The following TNS1 variants were observed in gnomAD, a reference collection of about 807,000 sequenced individuals.
TNS1 encodes the protein tensin-1.
In TNS1, 62 loss-of-function variants were observed where a neutral mutation model predicts 168.6. The observed-to-expected ratio is 0.37, with a 90% confidence interval of 0.30 to 0.45. TNS1 has a LOEUF of 0.45. Among genes scored for constraint, TNS1 ranks in the 20% least tolerant of loss-of-function variants. TNS1 has a pLI of 1.00. For synonymous variants in TNS1, 934 were observed against 933.2 expected (o/e 1.00, Z -0.02); for missense variants, 2,240 against 2,339.4 (o/e 0.96, Z 0.88).
In TNS1 at chr2:217,831,612, G is replaced by A. The variant is rs537834687; in HGVS notation, c.3281-65C>T. ...GTGGGCAGGAGGGCAGACACGCCAGGCACGTGAGGGCACGCTTAGTGAGGG... is the reference window on the plus strand; with the variant it reads ...GTGGGCAGGAGGGCAGACACGCCAGACACGTGAGGGCACGCTTAGTGAGGG... On this transcript the variant is annotated intron_variant, in intron 21 of 32. Coordinates refer to ENST00000682258, the MANE Select transcript of TNS1 (RefSeq NM_001387777.1). 6.7e-5 allele frequency: 85 copies of A among 1,265,668 alleles called. No homozygotes were observed. The East Asian group carries it at 2.5e-3, about 37-fold the overall frequency. The allele number at this position is 1,265,668 out of a possible 1,614,324, so 78.4% of individuals were successfully genotyped here.
At chr2:217,887,344 T>C (rs189441550) in intron 12 of TNS1, among the ~76,000 whole-genome samples, 28 of 152,340 alleles carry the variant, frequency 1.8e-4, no homozygotes, top group Non-Finnish European at 3.8e-4. Flanking sequence ...GTTTCACTCT[T>C]GTTGCCCAGG....
chr2:217,861,554 T>A (rs1281285666), intron 18 of TNS1, among the ~76,000 whole-genome samples: 1 of 152,230 alleles, frequency 6.6e-6, no homozygotes, highest in African/African-American at 2.4e-5. Context: ...CTTCTCATTC[T>A]CATCACTTCA....
At chr2:218,019,960 A>G (rs1365941569) in intron 1 of TNS1, among the ~76,000 whole-genome samples, 1 of 151,596 alleles carries the variant, frequency 6.6e-6, no homozygotes, top group East Asian at 1.9e-4. Context: ...CAGCCTCCCC[A>G]CTGCCCTACT....
intron 19 of TNS1, among the ~76,000 whole-genome samples, chr2:217,840,117 G>A (rs189503649): frequency 1.3e-5 from 2 of 152,350 alleles, no homozygotes; most frequent in South Asian, 2.1e-4. Flanking sequence ...ACTGGGAGAA[G>A]AAGGGACCAT....
Position 217,855,843 on chromosome 2 carries a change from G to A in TNS1, c.1430-6756C>T, listed in dbSNP as rs1169792117. ...GTGGACCCCGAGTTTCTCCCCAAAG[G>A]TGAGGGAAGAGAGTCAGTGCAGCCG... On this transcript the variant is annotated intron_variant, in intron 18 of 32. Coordinates refer to ENST00000682258, the MANE Select transcript of TNS1 (RefSeq NM_001387777.1). 5.3e-5 allele frequency among the ~76,000 whole-genome samples: 8 copies of A among 152,168 alleles called. No individual in the cohort carries two copies. In the East Asian group the frequency reaches 1.3e-3, roughly 26 times the overall value.
intron 22 of TNS1, among the ~76,000 whole-genome samples, chr2:217,826,934 A>G (rs571660725): frequency 6.6e-6 from 1 of 152,276 alleles, no homozygotes; most frequent in South Asian, 2.1e-4. Flanking sequence ...GAAGGGGCAC[A>G]CCCACCCTAA....
In TNS1 at chr2:217,961,344, T is replaced by C. The variant is rs372203939; in HGVS notation, c.186+17421A>G. 2.0e-4 allele frequency among the ~76,000 whole-genome samples: 31 copies of C among 152,104 alleles called. No individual in the cohort carries two copies. The East Asian group carries it at 3.3e-3, about 16-fold the overall frequency. ...CCACTTTGGTCTGTCTGTTACCCTC[T>C]TCCAAACTGCTCAGATCAGAGAGAG... On this transcript the variant is annotated intron_variant, in intron 3 of 32. Transcript: ENST00000682258.
At chr2:217,900,323 G>A in intron 7 of TNS1, 140 bp downstream of exon 7, 1 of 914,976 alleles carries the variant, frequency 1.1e-6, no homozygotes, top group Non-Finnish European at 1.7e-6. Context: ...CCTCTCCTGT[G>A]CCTTTCACGT....
intron 5 of TNS1, among the ~76,000 whole-genome samples, 160 bp from the exon 6 acceptor site, chr2:217,906,545 C>T (rs1953730826): frequency 6.6e-6 from 1 of 152,162 alleles, no homozygotes; most frequent in South Asian, 2.1e-4. Context: ...ATCAAGGCCC[C>T]CTCAGAACTA....
At chr2:217,842,601 TCCTGCCCAC>T (rs542772757) in intron 19 of TNS1, among the ~76,000 whole-genome samples, 36 of 152,148 alleles carry the variant, frequency 2.4e-4, no homozygotes, top group Non-Finnish European at 4.6e-4. Context: ...CCTCCTTCCA[TCCTGCCCAC>T]CCTGGTCAAT....
intron 1 of TNS1, among the ~76,000 whole-genome samples, chr2:217,994,946 C>T (rs975960304): frequency 1.3e-5 from 2 of 152,214 alleles, no homozygotes; most frequent in African/African-American, 4.8e-5. Flanking sequence ...TATCAGTGAC[C>T]TTTCCTGAGC....
chr2:217,879,881 A>C (rs1950532794), intron 18 of TNS1, among the ~76,000 whole-genome samples: 1 of 152,182 alleles, frequency 6.6e-6, no homozygotes, highest in Non-Finnish European at 1.5e-5. Context: ...AGCCCCACCC[A>C]GGACTGGCTT....
chr2:217,810,586 C>T (rs1574562590), intron 28 of TNS1, among the ~76,000 whole-genome samples: 1 of 152,170 alleles, frequency 6.6e-6, no homozygotes, highest in South Asian at 2.1e-4. Context: ...AAAACAAAGA[C>T]GATGATCATG....
intron 3 of TNS1, among the ~76,000 whole-genome samples, chr2:217,970,665 A>G (rs1316141035): frequency 1.3e-5 from 2 of 152,224 alleles, no homozygotes; most frequent in Admixed American, 1.3e-4. Context: ...CAGAATCGGC[A>G]AATATATAGA....
chr2:217,862,814 T>C (rs966532087), intron 18 of TNS1, among the ~76,000 whole-genome samples: 1 of 152,192 alleles, frequency 6.6e-6, no homozygotes, highest in African/African-American at 2.4e-5. Context: ...TGAACTCTCA[T>C]TACAGAAGAA....
At chr2:217,993,867 C>T (rs1290630682) in intron 1 of TNS1, among the ~76,000 whole-genome samples, 1 of 152,238 alleles carries the variant, frequency 6.6e-6, no homozygotes, top group African/African-American at 2.4e-5. Flanking sequence ...CAGCAACTTA[C>T]TCTCAGAGTT....
chr2:217,870,563 G>C lies in TNS1; in HGVS notation c.1429+10335C>G, dbSNP rs535545906. Among the ~76,000 whole-genome samples, 13 of 152,272 alleles carry C rather than the reference G, an allele frequency of 8.5e-5. No homozygotes were observed. The East Asian group carries it at 2.5e-3, about 29-fold the overall frequency. ...GTCTGGCAGGAGAGGAAACAGGGAG[G>C]GAGGCTGAGGGGGAAAGAGTACACA... On this transcript the variant is annotated intron_variant, in intron 18 of 32. Coordinates refer to ENST00000682258, the MANE Select transcript of TNS1 (RefSeq NM_001387777.1).
chr2:217,928,467 A>G (rs1162390077), intron 3 of TNS1, among the ~76,000 whole-genome samples: 33 of 152,194 alleles, frequency 2.2e-4, no homozygotes, highest in Non-Finnish European at 1.0e-4. Flanking sequence ...GGACCAGGAA[A>G]TGAAGTGCAT....
chr2:217,998,215 A>G (rs907966885), intron 1 of TNS1, among the ~76,000 whole-genome samples: 244 of 109,394 alleles, frequency 2.2e-3, no homozygotes, highest in African/African-American at 9.0e-3. Flanking sequence ...AGTTCTCTCC[A>G]TCAGTGTCTC....
Sources: gnomAD v4.1 joint callset for allele counts (sites outside exome capture counted in the v4.1 genomes callset) on GRCh38, gnomAD v4.1.1 for gene constraint, MANE v1.5 for transcripts, NCBI Gene and HGNC (gene_info 2026-07-23, HGNC 2026-07-21) for gene names.